ABCA13: variants seen among roughly 807,000 people sequenced by gnomAD.
ABCA13 encodes the protein ATP binding cassette subfamily A member 13, also known as ATP-binding cassette sub-family A member 13.
ABCA13 carries 476 observed loss-of-function variants against 478.7 expected under a neutral mutation model. The observed-to-expected ratio is 0.99, with a 90% confidence interval of 0.92 to 1.07. The LOEUF is 1.07. ABCA13 is among the 50% of genes least tolerant of loss of function. The probability of loss-of-function intolerance (pLI) is 0.00; values close to 1 mark genes in which losing one functional copy is unlikely to be tolerated. For missense variants in ABCA13, 6,060 were observed against 5,910.6 expected (o/e 1.03, Z -0.83); for synonymous variants, 2,252 against 2,158.9 (o/e 1.04, Z -1.20).
At chr7:48,612,209 G>A (rs1205258838) in intron 58 of ABCA13, 3 of 152,140 alleles carry the variant, frequency 2.0e-5, no homozygotes, top group Non-Finnish European at 4.4e-5. Flanking sequence ...CAGGTCAAGT[G>A]GCTTGCTGTA....
chr7:48,368,774 TATAC>T (rs1812171709), intron 32 of ABCA13, among the ~76,000 whole-genome samples: 1 of 122,258 alleles, frequency 8.2e-6, no homozygotes, highest in East Asian at 2.6e-4. Flanking sequence ...CACATATACA[TATAC>T]ACACACACAC....
chr7:48,447,661 CAG>C (rs958249254), intron 42 of ABCA13, among the ~76,000 whole-genome samples: 2 of 152,124 alleles, frequency 1.3e-5, no homozygotes, highest in African/African-American at 4.8e-5. Flanking sequence ...AGAATGGACC[CAG>C]GAGAGAGAGA....
At chr7:48,636,078 ATTGTTT>A (rs1405229019) in intron 59 of ABCA13, among the ~76,000 whole-genome samples, 1 of 152,062 alleles carries the variant, frequency 6.6e-6, no homozygotes, top group East Asian at 1.9e-4. Context: ...GTCTAGTTCT[ATTGTTT>A]TTGAGTCCAA....
At chr7:48,478,524 A>G (rs1320723828) in intron 45 of ABCA13, among the ~76,000 whole-genome samples, 5 of 152,086 alleles carry the variant, frequency 3.3e-5, no homozygotes, top group South Asian at 4.1e-4. Flanking sequence ...CTATCCCCCA[A>G]TGAAGTTCAG....
In ABCA13 at chr7:48,587,018, A is replaced by G; in HGVS notation, c.14506-136A>G. On this transcript the variant is annotated intron_variant, in intron 56 of 61. Coordinates refer to ENST00000435803, the MANE Select transcript of ABCA13 (RefSeq NM_152701.5). ...CCTGTATGGTAAAGGGGGATGTTTC[A>G]GGAGATGTACTTGATTGTATGTGTG... 4 of 1,168,604 alleles carry G rather than the reference A, an allele frequency of 3.4e-6. No homozygotes were observed. The South Asian group carries it at 6.0e-5, about 17-fold the overall frequency. The allele number at this position is 1,168,604 out of a possible 1,614,324, so 72.4% of individuals were successfully genotyped here. A position where few individuals can be genotyped will look rare whatever the true frequency, so the allele number is the denominator to read the frequency against.
At chr7:48,373,635 C>G (rs1174582621) in intron 33 of ABCA13, among the ~76,000 whole-genome samples, 4 of 152,204 alleles carry the variant, frequency 2.6e-5, no homozygotes, top group Non-Finnish European at 5.9e-5. Context: ...ATAATTAACA[C>G]AAGTGGGACC....
chr7:48,474,342 T>TA (rs1225000772), intron 45 of ABCA13, among the ~76,000 whole-genome samples: 2 of 152,124 alleles, frequency 1.3e-5, no homozygotes, highest in African/African-American at 4.8e-5. Context: ...AAATGATTGT[T>TA]ATAGAGAAAG....
At chr7:48,320,532 A>G (rs1304936249) in intron 27 of ABCA13, among the ~76,000 whole-genome samples, 3 of 152,186 alleles carry the variant, frequency 2.0e-5, no homozygotes, top group Non-Finnish European at 2.9e-5. Flanking sequence ...AGAGATTCCA[A>G]TGTATTAGTA....
At chr7:48,314,199 T>C (rs1409460043) in intron 25 of ABCA13, 33 bp from the exon 26 acceptor site, 1 of 1,602,074 alleles carries the variant, frequency 6.2e-7, no homozygotes, top group African/African-American at 1.3e-5. Flanking sequence ...TAAGTCACTA[T>C]GTAATTGCAA....
At chr7:48,188,878 A>G (rs972874805) in intron 1 of ABCA13, among the ~76,000 whole-genome samples, 8 of 152,176 alleles carry the variant, frequency 5.3e-5, no homozygotes, top group East Asian at 1.9e-4. Context: ...CTGGGCATCC[A>G]CGAAATTCAT....
intron 23 of ABCA13, among the ~76,000 whole-genome samples, chr7:48,301,573 G>A (rs1306047668): frequency 1.3e-5 from 2 of 151,822 alleles, no homozygotes; most frequent in East Asian, 3.9e-4. Flanking sequence ...TGTGACTAGA[G>A]TTATGGGTTT....
chr7:48,234,281 G>A lies in ABCA13; in HGVS notation c.897+130G>A, dbSNP rs946298723. The A allele has an allele frequency of 3.0e-5, 37 of 1,250,086 alleles. No homozygotes were observed. The African/African-American group carries it at 4.3e-4, about 14-fold the overall frequency. The allele number at this position is 1,250,086 out of a possible 1,614,324, so 77.4% of individuals were successfully genotyped here. A position where few individuals can be genotyped will look rare whatever the true frequency, so the allele number is the denominator to read the frequency against. On this transcript the variant is annotated intron_variant, in intron 8 of 61. Transcript: ENST00000435803. ...AGACAGGAGAGTTCGGTCAAAACCC[G>A]AGCTCCTTACGCAGAAGAGACCCCT... is the stretch of plus-strand genomic sequence containing the variant.
chr7:48,346,178 A>G (rs1251867569), intron 29 of ABCA13, among the ~76,000 whole-genome samples: 1 of 152,158 alleles, frequency 6.6e-6, no homozygotes, highest in African/African-American at 2.4e-5. Context: ...ATTTCTCAGA[A>G]TGCATCCTCA....
chr7:48,627,160 A>G, intron 59 of ABCA13: 1 of 663,566 alleles, frequency 1.5e-6, no homozygotes, highest in Non-Finnish European at 1.9e-6. Context: ...CCCACTTCAC[A>G]ATAAAGAAAC....
rs761614215 is a variant in ABCA13 at position 48,410,563 on chromosome 7, A to G, written c.12114A>G (p.Glu4038=). The stretch of plus-strand genomic sequence containing the variant: ...CAACCCACCACCTGGATGAAGCTGA[A>G]GCGCTGAGTGACCGCGTGGCCGTCC... The part of the protein sequence containing the change: ...IFTTHHLDEA[E]ALSDRVAVLQ... The change falls in exon 40 of 62, where the codon GAA becomes GAG. Residue 4038 remains glutamate (E), a synonymous_variant. Coordinates refer to ENST00000435803, the MANE Select transcript of ABCA13 (RefSeq NM_152701.5). The G allele has an allele frequency of 1.2e-6, 2 of 1,614,026 alleles. No homozygotes were observed. Among genetic ancestry groups the G allele is most frequent in the South Asian group, 1.1e-5 (1 of 91,086 alleles).
intron 7 of ABCA13, among the ~76,000 whole-genome samples, chr7:48,231,297 A>G (rs2128992571): frequency 6.6e-6 from 1 of 152,330 alleles, no homozygotes; most frequent in South Asian, 2.1e-4. Flanking sequence ...AGGATCTGAC[A>G]TCTGCTTCAG....
chr7:48,290,937 AGG>A (rs374483104), intron 20 of ABCA13, among the ~76,000 whole-genome samples: 1 of 66,754 alleles, frequency 1.5e-5, no homozygotes, highest in Non-Finnish European at 2.9e-5. Context: ...CTTCACACTC[AGG>A]GAAAAAAAAA....
intron 27 of ABCA13, among the ~76,000 whole-genome samples, chr7:48,325,861 A>G (rs1010584980): frequency 6.6e-6 from 1 of 152,182 alleles, no homozygotes; most frequent in African/African-American, 2.4e-5. Context: ...TCCAGACCCT[A>G]CTGAAGTTAG....
At chr7:48,548,770 T>C (rs1011682613) in intron 55 of ABCA13, among the ~76,000 whole-genome samples, 2 of 151,800 alleles carry the variant, frequency 1.3e-5, no homozygotes, top group African/African-American at 4.8e-5. Context: ...CCATGAGCAA[T>C]GTGCAGGTTC....
Sources: gnomAD v4.1 joint callset for allele counts (sites outside exome capture counted in the v4.1 genomes callset) on GRCh38, gnomAD v4.1.1 for gene constraint, MANE v1.5 for transcripts, NCBI Gene and HGNC (gene_info 2026-07-23, HGNC 2026-07-21) for gene names.